PSG6: variants seen among roughly 807,000 people sequenced by gnomAD.
PSG6 encodes pregnancy specific beta-1-glycoprotein 6.
PSG6 carries 51 observed loss-of-function variants against 43.3 expected under a neutral mutation model. The observed-to-expected ratio is 1.18, with a 90% CI of 0.94 to 1.49. PSG6 has a LOEUF of 1.49. PSG6 is among the 40% of genes most tolerant of loss of function. PSG6 has a pLI of 0.00. For missense variants in PSG6, 770 were observed against 522.2 expected (o/e 1.47, Z -4.62); for synonymous variants, 292 against 197.6 (o/e 1.48, Z -4.01).
intron 5 of PSG6, among the ~76,000 whole-genome samples, chr19:42,905,927 TGA>T (rs1852558834): frequency 6.7e-6 from 1 of 149,804 alleles, no homozygotes; most frequent in Admixed American, 6.7e-5. Flanking sequence ...GGAGAAGGAG[TGA>T]GAGTTACTGT....
rs553754995 is a variant in PSG6 at position 42,904,259 on chromosome 19, T to C, written c.1241-1813A>G. Among the ~76,000 whole-genome samples the C allele has an allele frequency of 9.9e-5, 15 of 151,850 alleles. 1 individual carries two copies. In the South Asian group the frequency reaches 3.1e-3, roughly 32 times the overall value. The stretch of plus-strand genomic sequence containing the variant: ...CAGGAAAAGACAAGGATGCCTGCTA[T>C]TGACACTTTTATTCAACATAGTAGT... On this transcript the variant is annotated intron_variant, in intron 5 of 5. Coordinates refer to ENST00000187910, the MANE Select transcript of PSG6 (RefSeq NM_001031850.4).
intron 1 of PSG6, 130 bp downstream of exon 1, chr19:42,917,599 G>T (rs146580914): frequency 5.0e-6 from 7 of 1,391,108 alleles, no homozygotes; most frequent in Admixed American, 3.8e-5. Context: ...TCCTGATCTC[G>T]TGATCCACCC....
chr19:42,912,609 T>C (rs1310277360), intron 2 of PSG6, among the ~76,000 whole-genome samples: 1 of 151,840 alleles, frequency 6.6e-6, no homozygotes, highest in African/African-American at 2.4e-5. Context: ...TTAGTAAATA[T>C]AGAAAGAACC....
intron 5 of PSG6, among the ~76,000 whole-genome samples, chr19:42,903,947 T>A (rs1444957933): frequency 6.6e-6 from 1 of 151,456 alleles, no homozygotes; most frequent in Non-Finnish European, 1.5e-5. Flanking sequence ...TTACTACCAA[T>A]TCTAATAAAA....
intron 5 of PSG6, among the ~76,000 whole-genome samples, chr19:42,903,345 A>G (rs1227359377): frequency 6.6e-6 from 1 of 151,622 alleles, no homozygotes; most frequent in Non-Finnish European, 1.5e-5. Context: ...ATTAAAAAAG[A>G]AGAAAGAGCT....
In PSG6 at chr19:42,916,259, T is replaced by C. The variant is rs767465543; in HGVS notation, c.293A>G (p.Glu98Gly). 2.5e-6 allele frequency: 4 copies of C among 1,612,076 alleles called. No individual in the cohort carries two copies. Among genetic ancestry groups the C allele is most frequent in the Admixed American group, 1.7e-5 (1 of 59,880 alleles). The change falls in exon 2 of 6, where the codon GAA becomes GGA. Residue 98 changes from glutamate to glycine, a missense_variant. Transcript: ENST00000187910. ...CAGGGATGCATTGGAATATACTGTT[T>C]CTCGTCCACTGTAGGCAGGCCCATA... ...IIYGPAYSGR[E>G]TVYSNASLLI...
intron 2 of PSG6, chr19:42,915,807 T>G (rs538099158): frequency 1.6e-5 from 8 of 502,396 alleles, no homozygotes; most frequent in African/African-American, 1.5e-4. Context: ...CTACTCAGTT[T>G]TCCAGGGTCT....
chr19:42,917,047 A>T lies in PSG6; in HGVS notation c.65-560T>A, dbSNP rs562412742. On this transcript the variant is annotated intron_variant, in intron 1 of 5. Transcript: ENST00000187910. Reference sequence around the variant, plus strand: ...GGATGCAGACTCCTGTAGATGTGAGAGTTCTCAGGGCCCTCCATGCCCTGG... The same window carrying T: ...GGATGCAGACTCCTGTAGATGTGAGTGTTCTCAGGGCCCTCCATGCCCTGG... Among the ~76,000 whole-genome samples the T allele has an allele frequency of 3.3e-5, 5 of 150,190 alleles. 1 individual carries two copies. In the East Asian group the frequency reaches 6.0e-4, roughly 18 times the overall value.
intron 4 of PSG6, 58 bp from the exon 5 acceptor site, chr19:42,907,234 G>T (rs1972132023): frequency 5.7e-6 from 9 of 1,581,090 alleles, no homozygotes; most frequent in Admixed American, 5.2e-5. Flanking sequence ...GGATGCTCCT[G>T]GTCTCTTAAA....
At chr19:42,917,374 T>C (rs1307081211) in intron 1 of PSG6, among the ~76,000 whole-genome samples, 1 of 147,114 alleles carries the variant, frequency 6.8e-6, no homozygotes, top group Non-Finnish European at 1.5e-5. Context: ...TTTTTTTTTT[T>C]TTTTTTTGAA....
rs1385738919 is a variant in PSG6 at position 42,915,799 on chromosome 19, A to G, written c.427+326T>C. 5 of 490,088 alleles carry G rather than the reference A, an allele frequency of 1.0e-5. 1 individual carries two copies. Among genetic ancestry groups the G allele is most frequent in the Non-Finnish European group, 1.8e-5 (5 of 284,336 alleles). 30.4% of individuals were successfully genotyped at this position (490,088 alleles called of 1,614,324 possible). On this transcript the variant is annotated intron_variant, in intron 2 of 5. Coordinates refer to ENST00000187910, the MANE Select transcript of PSG6 (RefSeq NM_001031850.4). ...CAGTGGGCCCCTCAGGCCAAGCCCTACTCAGTTTTCCAGGGTCTTTCTCAG... is the reference window on the plus strand; with the variant it reads ...CAGTGGGCCCCTCAGGCCAAGCCCTGCTCAGTTTTCCAGGGTCTTTCTCAG...
chr19:42,910,481 G>T lies in PSG6; in HGVS notation c.706+99C>A, dbSNP rs747573398. ...CCAGCTTTGATGTTCAGGGATAAAG[G>T]TCTCTGTACTTGGACCTGAGAGGGA... is the stretch of plus-strand genomic sequence containing the variant. On this transcript the variant is annotated intron_variant, in intron 3 of 5. Coordinates refer to ENST00000187910, the MANE Select transcript of PSG6 (RefSeq NM_001031850.4). The T allele has an allele frequency of 1.9e-6, 3 of 1,611,380 alleles. 1 individual carries two copies. The highest frequency in any genetic ancestry group is 2.2e-5 in the East Asian group (1 of 44,792).
chr19:42,917,625 A>G, intron 1 of PSG6, 104 bp downstream of exon 1: 1 of 1,515,182 alleles, frequency 6.6e-7, no homozygotes. Flanking sequence ...AGCCTCCCTA[A>G]GTGCTGGCTT....
chr19:42,904,144 G>A (rs1386716655), intron 5 of PSG6, among the ~76,000 whole-genome samples: 2 of 151,410 alleles, frequency 1.3e-5, no homozygotes, highest in Admixed American at 1.3e-4. Context: ...AGAATGGAAG[G>A]CAACCACCTC....
chr19:42,914,493 A>T (rs1488118982), intron 2 of PSG6, among the ~76,000 whole-genome samples: 2 of 142,702 alleles, frequency 1.4e-5, no homozygotes, highest in East Asian at 4.8e-4. Flanking sequence ...CTGACTTCAA[A>T]AACCCCAGGG....
rs151224971 is a variant in PSG6, at chr19:42,907,511, C to A, written c.985+65G>T. The A allele has an allele frequency of 2.7e-4, 426 of 1,599,018 alleles. 4 individuals carry two copies. The highest frequency in any genetic ancestry group is 2.5e-3 in the African/African-American group (185 of 74,588). ...CTTGGACCGGAGAGAGACTGAGAGG[C>A]CTGGCCTCTGGTCGTTTGGAGTTAA... On this transcript the variant is annotated intron_variant, in intron 4 of 5. Coordinates refer to ENST00000187910, the MANE Select transcript of PSG6 (RefSeq NM_001031850.4).
At chr19:42,906,638 T>C in intron 5 of PSG6, 1 of 1,387,508 alleles carries the variant, frequency 7.2e-7, no homozygotes, top group Non-Finnish European at 9.5e-7. Context: ...AGGACTCTCC[T>C]TCTTGTCCCT....
intron 1 of PSG6, among the ~76,000 whole-genome samples, chr19:42,916,717 A>T (rs967527686): frequency 1.3e-5 from 2 of 149,564 alleles, no homozygotes; most frequent in Admixed American, 6.7e-5. Flanking sequence ...TTCCTTCAAC[A>T]CTCCTGACCT....
chr19:42,913,731 G>A (rs769217506), intron 2 of PSG6, among the ~76,000 whole-genome samples: 12 of 151,574 alleles, frequency 7.9e-5, no homozygotes, highest in Non-Finnish European at 1.2e-4. Flanking sequence ...TCATTCTTTT[G>A]CCTTCTGACA....
Sources: gnomAD v4.1 joint callset for allele counts (sites outside exome capture counted in the v4.1 genomes callset) on GRCh38, gnomAD v4.1.1 for gene constraint, MANE v1.5 for transcripts, NCBI Gene and HGNC (gene_info 2026-07-23, HGNC 2026-07-21) for gene names.